EXOC6: variants seen among roughly 807,000 people sequenced by gnomAD.
EXOC6 encodes the protein exocyst complex component 6, also known as SEC15-like 1.
EXOC6 carries 60 observed loss-of-function variants against 112.5 expected under a neutral mutation model. That is an observed-to-expected ratio of 0.53 (90% confidence interval 0.43 to 0.66). The LOEUF (loss-of-function observed/expected upper bound fraction) is 0.66. Ranked by LOEUF, EXOC6 falls within the 30% of genes least tolerant of loss-of-function variation. EXOC6 has a pLI of 0.00. For synonymous variants in EXOC6, 295 were observed against 308.0 expected (o/e 0.96, Z 0.44); for missense variants, 855 against 957.1 (o/e 0.89, Z 1.41).
chr10:92,844,799 T>C (rs1346009586), upstream of EXOC6, among the ~76,000 whole-genome samples: 2 of 152,206 alleles, frequency 1.3e-5, no homozygotes, highest in African/African-American at 4.8e-5. Flanking sequence ...GGGATTCTTA[T>C]TGTCCTTAAT....
intron 6 of EXOC6, 143 bp downstream of exon 6, chr10:92,909,774 G>T (rs17449755): frequency 0.018 from 10,730 of 587,160 alleles, 148 homozygotes; most frequent in Non-Finnish European, 0.026. Context: ...GTTTAGAAAG[G>T]ATTCTATCAG....
At chr10:93,042,935 T>C (rs1845847710) in intron 20 of EXOC6, among the ~76,000 whole-genome samples, 2 of 140,524 alleles carry the variant, frequency 1.4e-5, no homozygotes, top group South Asian at 4.5e-4. Flanking sequence ...ACTATTATTA[T>C]TATTATTATT....
At chr10:93,008,609 A>G (rs188443062) in intron 19 of EXOC6, among the ~76,000 whole-genome samples, 10 of 152,350 alleles carry the variant, frequency 6.6e-5, no homozygotes, top group African/African-American at 2.4e-4. Context: ...AAAATTAGTC[A>G]TCAATTCTTT....
chr10:92,989,619 C>T (rs1746203543), intron 18 of EXOC6, among the ~76,000 whole-genome samples: 1 of 152,202 alleles, frequency 6.6e-6, no homozygotes, highest in South Asian at 2.1e-4. Flanking sequence ...GTTGAAGACA[C>T]AGACCCTTAG....
Position 92,909,512 on chromosome 10 carries a change from A to T in EXOC6, c.544A>T (p.Ile182Leu), listed in dbSNP as rs1264286085. Residue 182 changes from isoleucine to leucine, a missense_variant, in exon 6 of 22, where the codon ATA becomes TTA. Around this residue, in one of 2 missense-constraint regions of EXOC6, gnomAD observed 405 missense variants for 393.6 expected, o/e 1.03. Coordinates refer to ENST00000260762, the MANE Select transcript of EXOC6 (RefSeq NM_019053.6). ...TCAATACCGGTTTTGTCAGCTCATG[A>T]TAGAAAATCTTCCCAAACTCCGTGA... ...VSQYRFCQLMIENLPKLREDI... is the reference protein window; with the variant it reads ...VSQYRFCQLMLENLPKLREDI... 1 of 1,613,564 alleles carries T rather than the reference A, an allele frequency of 6.2e-7. No homozygotes were observed. The highest frequency in any genetic ancestry group is 8.5e-7 in the Non-Finnish European group (1 of 1,179,612).
At chr10:92,907,941 T>A (rs746597881) in intron 5 of EXOC6, among the ~76,000 whole-genome samples, 3 of 152,090 alleles carry the variant, frequency 2.0e-5, no homozygotes, top group Non-Finnish European at 4.4e-5. Context: ...ATTTAGATGG[T>A]CTAATTTTTA....
chr10:92,892,721 G>A (rs544276622), intron 1 of EXOC6, among the ~76,000 whole-genome samples: 9 of 152,340 alleles, frequency 5.9e-5, no homozygotes, highest in African/African-American at 2.2e-4. Context: ...GACAGCATGA[G>A]CTGAGAGACA....
chr10:93,052,576 GA>G (rs1161076183), intron 20 of EXOC6, among the ~76,000 whole-genome samples: 1 of 151,834 alleles, frequency 6.6e-6, no homozygotes, highest in Non-Finnish European at 1.5e-5. Flanking sequence ...AATCCTTGGT[GA>G]AAAAAAACTT....
At chr10:92,886,748 A>G (rs940282335) in intron 1 of EXOC6, among the ~76,000 whole-genome samples, 1 of 152,248 alleles carries the variant, frequency 6.6e-6, no homozygotes, top group African/African-American at 2.4e-5. Flanking sequence ...TAGTTAAGCC[A>G]GAAGTATGTC....
chr10:92,849,055 G>A (rs1847193627), intron 1 of EXOC6, among the ~76,000 whole-genome samples: 1 of 152,184 alleles, frequency 6.6e-6, no homozygotes, highest in African/African-American at 2.4e-5. Context: ...GCAGGCACCC[G>A]GCGTGACGGA....
chr10:92,940,485 T>A (rs1852594325), intron 12 of EXOC6, among the ~76,000 whole-genome samples: 1 of 152,128 alleles, frequency 6.6e-6, no homozygotes, highest in East Asian at 1.9e-4. Flanking sequence ...CTGTAATCAT[T>A]ACTAAAAAGA....
At chr10:92,960,320 C>G (rs1853915125) in intron 17 of EXOC6, among the ~76,000 whole-genome samples, 1 of 151,866 alleles carries the variant, frequency 6.6e-6, no homozygotes, top group African/African-American at 2.4e-5. Context: ...GCTATGGAGG[C>G]AATAAAAAAA....
intron 1 of EXOC6, among the ~76,000 whole-genome samples, chr10:92,861,607 C>CT (rs1183914795): frequency 6.6e-6 from 1 of 152,000 alleles, no homozygotes; most frequent in African/African-American, 2.4e-5. Context: ...TTCTTTGGCT[C>CT]TTGACTGAAA....
intron 11 of EXOC6, 42 bp downstream of exon 11, chr10:92,934,472 A>C: frequency 2.0e-6 from 3 of 1,491,378 alleles, no homozygotes; most frequent in Non-Finnish European, 2.7e-6. Context: ...TAATTCAGTT[A>C]CTTCAAGAAC....
chr10:92,842,156 C>T (rs975735948), intron 1 of EXOC6, among the ~76,000 whole-genome samples: 3 of 152,028 alleles, frequency 2.0e-5, no homozygotes, highest in East Asian at 3.9e-4. Flanking sequence ...GTTAGGAGTT[C>T]GAGACCAGCC....
At chr10:92,862,315 T>C (rs933010962) in intron 1 of EXOC6, among the ~76,000 whole-genome samples, 4 of 143,140 alleles carry the variant, frequency 2.8e-5, no homozygotes, top group African/African-American at 8.0e-5. Flanking sequence ...ATACTTGTTA[T>C]GTCTGAAGTT....
intron 13 of EXOC6, among the ~76,000 whole-genome samples, chr10:92,946,368 T>A (rs1313677250): frequency 6.6e-6 from 1 of 151,922 alleles, no homozygotes; most frequent in Non-Finnish European, 1.5e-5. Flanking sequence ...CACTCCAGCC[T>A]GGGCGACAGA....
At chr10:92,828,419 G>A (rs1170187638) in intron 1 of EXOC6, among the ~76,000 whole-genome samples, 1 of 151,994 alleles carries the variant, frequency 6.6e-6, no homozygotes, top group East Asian at 1.9e-4. Flanking sequence ...CTGCAACCTC[G>A]GCCTCCCGGG....
chr10:92,927,597 A>C (rs1050360320), intron 8 of EXOC6, among the ~76,000 whole-genome samples: 1 of 152,238 alleles, frequency 6.6e-6, no homozygotes, highest in African/African-American at 2.4e-5. Flanking sequence ...ACATGTGACT[A>C]GTGGGCTACC....
Sources: allele counts gnomAD v4.1 joint callset (sites outside exome capture counted in the v4.1 genomes callset), GRCh38; gene constraint gnomAD v4.1.1; regional missense constraint gnomAD v4.1.1; transcripts MANE v1.5; gene names NCBI Gene and HGNC (gene_info 2026-07-23, HGNC 2026-07-21).